The following ANK3 variants were observed in gnomAD, a reference collection of about 807,000 sequenced individuals.
The protein encoded by ANK3 is ankyrin-3.
Under a neutral mutation model 370.9 loss-of-function variants are expected in ANK3, and 57 were observed. That is an observed-to-expected ratio of 0.15 (90% CI 0.12 to 0.19). ANK3 has a LOEUF of 0.19. Ranked by LOEUF, ANK3 falls within the 10% of genes least tolerant of loss-of-function variation. ANK3 has a pLI of 1.00. For synonymous variants in ANK3, 1,929 were observed against 1,946.3 expected (o/e 0.99, Z 0.23); for missense variants, 4,439 against 5,302.1 (o/e 0.84, Z 5.06).
intron 1 of ANK3, among the ~76,000 whole-genome samples, chr10:60,709,641 A>G (rs1022231677): frequency 3.3e-5 from 5 of 152,098 alleles, no homozygotes; most frequent in African/African-American, 1.2e-4. Context: ...CCTGGGCAAC[A>G]TGGCGAAACC....
At chr10:60,475,826 G>T (rs150636487) in intron 2 of ANK3, among the ~76,000 whole-genome samples, 2 of 152,188 alleles carry the variant, frequency 1.3e-5, no homozygotes, top group Non-Finnish European at 2.9e-5. Flanking sequence ...GGACGGAGTC[G>T]CTTTCGAAAA....
At chr10:60,440,546 A>G (rs1175802324) in intron 2 of ANK3, among the ~76,000 whole-genome samples, 1 of 152,122 alleles carries the variant, frequency 6.6e-6, no homozygotes, top group African/African-American at 2.4e-5. Context: ...CACCCCCATG[A>G]TCCTCTCACC....
At chr10:60,328,084 GT>G (rs1392841531) in intron 1 of ANK3, among the ~76,000 whole-genome samples, 11 of 152,208 alleles carry the variant, frequency 7.2e-5, no homozygotes, top group African/African-American at 2.6e-4. Flanking sequence ...AAATTTGTCT[GT>G]TTTGTCTATT....
intron 43 of ANK3, among the ~76,000 whole-genome samples, chr10:60,038,277 A>G (rs2075469905): frequency 1.3e-5 from 2 of 152,148 alleles, no homozygotes; most frequent in African/African-American, 4.8e-5. Context: ...TGTGCCTGTA[A>G]TCCCAGTTAC....
rs2093931537 is a variant in ANK3, at chr10:60,129,140, T to C, written c.2841+5131A>G. Among the ~76,000 whole-genome samples, 3 of 152,208 alleles carry C rather than the reference T, an allele frequency of 2.0e-5. No homozygotes were observed. In the South Asian group the frequency reaches 6.2e-4, roughly 31 times the overall value. ...TACAAATCTGAGCTTATAAAACAAA[T>C]ACATTAGATGTTGACATACCAATAC... On this transcript the variant is annotated intron_variant, in intron 25 of 43. Coordinates refer to ENST00000280772, the MANE Select transcript of ANK3 (RefSeq NM_020987.5).
intron 2 of ANK3, among the ~76,000 whole-genome samples, chr10:60,514,787 T>C (rs144866987): frequency 6.0e-4 from 91 of 152,232 alleles, no homozygotes; most frequent in African/African-American, 2.1e-3. Context: ...AAAAAACTAG[T>C]GAATATGTTT....
intron 1 of ANK3, among the ~76,000 whole-genome samples, chr10:60,648,113 G>C (rs1401303045): frequency 1.3e-5 from 2 of 150,636 alleles, no homozygotes; most frequent in East Asian, 3.9e-4. Context: ...CCAAAGTGCT[G>C]GGATTACAGG....
At chr10:60,421,173 C>G (rs7092883) in intron 2 of ANK3, among the ~76,000 whole-genome samples, 55,406 of 151,624 alleles carry the variant, frequency 0.37, 10,434 homozygotes, top group South Asian at 0.43. Flanking sequence ...ATTTCCGGAG[C>G]GAAGAGGAGA....
intron 2 of ANK3, among the ~76,000 whole-genome samples, chr10:60,593,622 T>C (rs1439760872): frequency 6.6e-6 from 1 of 152,228 alleles, no homozygotes; most frequent in African/African-American, 2.4e-5. Context: ...TGAACAATGT[T>C]TATTCATCTC....
At chr10:60,224,177 G>A (rs1177885818) in intron 8 of ANK3, among the ~76,000 whole-genome samples, 3 of 151,976 alleles carry the variant, frequency 2.0e-5, no homozygotes, top group Non-Finnish European at 4.4e-5. Context: ...AGAATGAGAG[G>A]GATGCTGAGT....
chr10:60,649,894 G>A (rs1262518264), intron 1 of ANK3, among the ~76,000 whole-genome samples: 1 of 152,142 alleles, frequency 6.6e-6, no homozygotes, highest in East Asian at 1.9e-4. Flanking sequence ...TTCAACCAAT[G>A]AAATGTGTCA....
intron 1 of ANK3, among the ~76,000 whole-genome samples, chr10:60,331,628 C>T (rs2051343935): frequency 6.6e-6 from 1 of 151,326 alleles, no homozygotes; most frequent in South Asian, 2.1e-4. Context: ...GGTCATTCTT[C>T]AAGCTTGCTT....
intron 2 of ANK3, among the ~76,000 whole-genome samples, chr10:60,563,964 C>G (rs1465288397): frequency 6.6e-6 from 1 of 152,032 alleles, no homozygotes; most frequent in Non-Finnish European, 1.5e-5. Context: ...TCTCTCCTTA[C>G]AAAAAGAAAG....
chr10:60,327,702 C>T (rs372702376), intron 1 of ANK3, among the ~76,000 whole-genome samples: 1 of 152,146 alleles, frequency 6.6e-6, no homozygotes, highest in African/African-American at 2.4e-5. Flanking sequence ...ATCTTTTTAG[C>T]ATCATAGGAT....
At chr10:60,695,609 G>T (rs1463072506) in intron 1 of ANK3, among the ~76,000 whole-genome samples, 2 of 152,130 alleles carry the variant, frequency 1.3e-5, no homozygotes. Flanking sequence ...ACTCAAAACT[G>T]CTCAACTACA....
At chr10:60,337,508 G>A (rs572973232) in intron 1 of ANK3, among the ~76,000 whole-genome samples, 10 of 152,028 alleles carry the variant, frequency 6.6e-5, no homozygotes, top group Non-Finnish European at 1.0e-4. Flanking sequence ...ATCAGGCTCC[G>A]ACTGAATACT....
At chr10:60,705,934 C>T (rs1447463044) in intron 1 of ANK3, among the ~76,000 whole-genome samples, 2 of 151,164 alleles carry the variant, frequency 1.3e-5, no homozygotes, top group African/African-American at 4.9e-5. Flanking sequence ...ATGATCCTCC[C>T]ACCTCAGCCT....
In ANK3 at chr10:60,172,334, C is replaced by G; in HGVS notation, c.2452G>C (p.Val818Leu). 1 of 1,613,950 alleles carries G rather than the reference C, an allele frequency of 6.2e-7. No individual in the cohort carries two copies. The highest frequency in any genetic ancestry group is 2.2e-5 in the East Asian group (1 of 44,870). ...YISVVDTLKI[V>L]TEETMTTTTV... ...GTTGTGGTCATGGTCTCTTCGGTCA[C>G]TATCTTCAGGGTGTCCACTACTGAG... Residue 818 changes from valine (V) to leucine (L), a missense_variant, in exon 21 of 44, where the codon GTG (valine) becomes CTG (leucine). Val to Leu is a conservative substitution (Grantham distance 32). Transcript: ENST00000280772.
chr10:60,309,922 C>CTTTTTTTT (rs71015785), intron 1 of ANK3, among the ~76,000 whole-genome samples: 281 of 134,242 alleles, frequency 2.1e-3, no homozygotes, highest in Non-Finnish European at 3.1e-3. Context: ...TTTCTTTTTT[C>CTTTTTTTT]TTTTTTTTTT....
Sources: allele counts gnomAD v4.1 joint callset (sites outside exome capture counted in the v4.1 genomes callset), GRCh38; gene constraint gnomAD v4.1.1; transcripts MANE v1.5; gene names NCBI Gene and HGNC (gene_info 2026-07-23, HGNC 2026-07-21).